The following TXNL1 variants were observed in gnomAD, a reference collection of about 807,000 sequenced individuals.
TXNL1 encodes the protein thioredoxin like 1.
TXNL1 carries 14 observed loss-of-function variants against 35.5 expected under a neutral mutation model. The ratio of observed to expected loss-of-function variants is 0.39; its 90% CI spans 0.26 to 0.62. TXNL1 has a LOEUF of 0.62. Ranked by LOEUF, TXNL1 falls within the 20% of genes least tolerant of loss-of-function variation. The pLI is 0.47. For missense variants in TXNL1, 263 were observed against 349.7 expected, an observed-to-expected ratio of 0.75 and a Z score of 1.98; for synonymous variants, 110 against 115.5, an observed-to-expected ratio of 0.95 and a Z score of 0.31.
intron 2 of TXNL1, 24 bp from the exon 3 acceptor site, chr18:56,624,485 GT>G (rs778950816): frequency 1.3e-6 from 2 of 1,594,494 alleles, no homozygotes; most frequent in Admixed American, 3.5e-5. Flanking sequence ...GTTGGACAGT[GT>G]TATGAATTAA....
At chr18:56,626,612 C>T (rs11664091) in intron 1 of TXNL1, among the ~76,000 whole-genome samples, 155 bp from the exon 2 acceptor site, 92,877 of 151,720 alleles carry the variant, frequency 0.61, 33,115 homozygotes, top group Non-Finnish European at 0.78. Flanking sequence ...GACAGAGTCT[C>T]ACTCTGTCGG....
chr18:56,618,620 A>G (rs2024128851), intron 3 of TXNL1, among the ~76,000 whole-genome samples: 1 of 152,012 alleles, frequency 6.6e-6, no homozygotes, highest in African/African-American at 2.4e-5. Context: ...TACAATAATC[A>G]TCAACTGAAG....
At chr18:56,617,904 A>T in intron 4 of TXNL1, 100 bp downstream of exon 4, 1 of 1,414,892 alleles carries the variant, frequency 7.1e-7, no homozygotes, top group East Asian at 2.3e-5. Flanking sequence ...AGAAGTGATC[A>T]TCTGGGAAGG....
At chr18:56,614,137 A>G (rs1447832930) in intron 6 of TXNL1, among the ~76,000 whole-genome samples, 1 of 152,250 alleles carries the variant, frequency 6.6e-6, no homozygotes, top group Non-Finnish European at 1.5e-5. Flanking sequence ...TAAAGCACAA[A>G]TATCTTCAGT....
chr18:56,603,527 T>C (rs2144272450), intron 7 of TXNL1, among the ~76,000 whole-genome samples: 1 of 152,200 alleles, frequency 6.6e-6, no homozygotes, highest in East Asian at 1.9e-4. Context: ...TGAAAACAGA[T>C]TAAAAGTGAC....
At chr18:56,626,060 T>C in intron 2 of TXNL1, 1 of 466,322 alleles carries the variant, frequency 2.1e-6, no homozygotes, top group Non-Finnish European at 3.0e-6. Flanking sequence ...GAAGATATAA[T>C]TCTAGGTTTG....
At chr18:56,631,226 T>TG (rs2024365422) in intron 1 of TXNL1, among the ~76,000 whole-genome samples, 1 of 152,192 alleles carries the variant, frequency 6.6e-6, no homozygotes, top group Admixed American at 6.5e-5. Context: ...CAGGAGCAGT[T>TG]GAGAGTAAAC....
At position 56,638,366 on chromosome 18, in the gene TXNL1, G is replaced by A. The variant is rs1410575139; in HGVS notation, c.75C>T (p.Ala25=). 7 of 1,613,480 alleles carry A rather than the reference G, an allele frequency of 4.3e-6. No homozygotes were observed. Among genetic ancestry groups the A allele is most frequent in the Admixed American group, 3.3e-5 (2 of 59,974 alleles). The change falls in exon 1 of 8, where the codon GCC becomes GCT. Residue 25 remains alanine, a synonymous_variant. Transcript: ENST00000217515. The stretch of plus-strand genomic sequence containing the variant: ...ACCCTCTCATGGTGAACTTGACCAC[G>A]GCGAGTCTGGAGCCCGCGCCGCTCA... ...PELSGAGSRL[A]VVKFTMRGCG... is the part of the protein sequence containing the mutation.
intron 7 of TXNL1, chr18:56,610,216 A>T (rs1047073256): frequency 6.6e-6 from 1 of 152,228 alleles, no homozygotes; most frequent in African/African-American, 2.4e-5. Flanking sequence ...GTGCTGCCAC[A>T]TTTAAACTGA....
intron 1 of TXNL1, among the ~76,000 whole-genome samples, chr18:56,628,509 T>A (rs890757167): frequency 1.3e-5 from 2 of 152,146 alleles, no homozygotes; most frequent in African/African-American, 4.8e-5. Context: ...AAATAACTGG[T>A]ATAAAACCTC....
chr18:56,597,614 ATTCT>A lies in TXNL1; in HGVS notation c.*5409_*5412del, dbSNP rs1369572677. 6.6e-6 allele frequency: 1 copy of A among 151,862 alleles called. No individual in the cohort carries two copies. Among genetic ancestry groups the A allele is most frequent in the African/African-American group, 2.4e-5 (1 of 41,332 alleles). 9.4% of individuals were successfully genotyped at this position (151,862 alleles called of 1,614,324 possible). The stretch of plus-strand genomic sequence containing the variant: ...TACCTTCCAGGTTCCTCTTTTCCCA[ATTCT>A]TTAATATTTCTTAGGATTCCCTAAC... On this transcript the variant is annotated 3_prime_UTR_variant, in exon 8 of 8. Transcript: ENST00000217515.
intron 7 of TXNL1, among the ~76,000 whole-genome samples, chr18:56,604,935 C>T (rs540128805): frequency 1.1e-4 from 17 of 151,442 alleles, no homozygotes; most frequent in Middle Eastern, 3.4e-3. Flanking sequence ...TAAAACTATT[C>T]AACTAGTTAA....
rs573901845 is a variant in TXNL1, at chr18:56,631,797, G to A, written c.99-5340C>T. ...TAGCTGGGCCTAGTAACGCATGCCT[G>A]TAATCTCAGCTACTTGGGAGGCTGA... is the stretch of plus-strand genomic sequence containing the variant. On this transcript the variant is annotated intron_variant, in intron 1 of 7. Transcript: ENST00000217515. Among the ~76,000 whole-genome samples, 7 of 152,048 alleles carry A rather than the reference G, an allele frequency of 4.6e-5. No homozygotes were observed. In the East Asian group the frequency reaches 1.4e-3, roughly 30 times the overall value.
At chr18:56,619,896 A>G (rs1162048702) in intron 3 of TXNL1, among the ~76,000 whole-genome samples, 2 of 152,098 alleles carry the variant, frequency 1.3e-5, no homozygotes, top group Admixed American at 6.6e-5. Flanking sequence ...TAGGTCTATT[A>G]ATGTGACAGA....
chr18:56,598,512 T>C lies in TXNL1; in HGVS notation c.*4515A>G, dbSNP rs2023771249. The C allele has an allele frequency of 6.6e-6, 1 of 152,230 alleles. No individual in the cohort carries two copies. Among genetic ancestry groups the C allele is most frequent in the African/African-American group, 2.4e-5 (1 of 41,402 alleles). 9.4% of individuals were successfully genotyped at this position (152,230 alleles called of 1,614,324 possible). ...TAGGGTACGTTCTGCTACCTGGTAA[T>C]ACAGCACAGCACACTGGAGAAATGA... On this transcript the variant is annotated 3_prime_UTR_variant, in exon 8 of 8. Coordinates refer to ENST00000217515, the MANE Select transcript of TXNL1 (RefSeq NM_004786.3).
intron 1 of TXNL1, among the ~76,000 whole-genome samples, chr18:56,626,685 C>T (rs901087907): frequency 6.7e-6 from 1 of 149,834 alleles, no homozygotes; most frequent in African/African-American, 2.5e-5. Flanking sequence ...TTAGTAGAGA[C>T]ATGGTTTCAC....
rs551510467 is a variant in TXNL1 at position 56,611,046 on chromosome 18, A to T, written c.787T>A (p.Phe263Ile). 14 of 1,608,878 alleles carry T rather than the reference A, an allele frequency of 8.7e-6. No homozygotes were observed. The South Asian group carries it at 1.5e-4, about 17-fold the overall frequency. Residue 263 changes from phenylalanine to isoleucine, a missense_variant, in exon 7 of 8, where the codon TTT becomes ATT. Physicochemically the swap from Phe to Ile is conservative, Grantham distance 21. Transcript: ENST00000217515. ...GEEETTRISY[F>I]TFIGTPVQAT... ...TGGACTGGAGTACCAATAAAAGTAA[A>T]ATATGAAATTCTTGTTGTTTCCTCT...
intron 1 of TXNL1, among the ~76,000 whole-genome samples, chr18:56,636,610 A>C (rs1417967536): frequency 5.4e-4 from 83 of 152,328 alleles, no homozygotes; most frequent in African/African-American, 1.9e-3. Flanking sequence ...TTTAAATGTA[A>C]CAGTTCCTTA....
intron 2 of TXNL1, 91 bp from the exon 3 acceptor site, chr18:56,624,552 A>T (rs934907127): frequency 5.9e-6 from 8 of 1,364,012 alleles, no homozygotes; most frequent in Non-Finnish European, 7.0e-6. Flanking sequence ...AAATACCATA[A>T]GCATGAACTA....
Sources: gnomAD v4.1 joint callset for allele counts (sites outside exome capture counted in the v4.1 genomes callset) on GRCh38, gnomAD v4.1.1 for gene constraint, MANE v1.5 for transcripts, NCBI Gene and HGNC (gene_info 2026-07-23, HGNC 2026-07-21) for gene names.